CADPS: variants seen among roughly 807,000 people sequenced by gnomAD.
CADPS encodes the protein calcium dependent secretion activator.
A neutral mutation model predicts 167.3 loss-of-function variants in CADPS; 57 were observed. The observed-to-expected ratio is 0.34, with a 90% confidence interval of 0.28 to 0.42. The LOEUF is 0.42. CADPS is among the 20% of genes least tolerant of loss of function. The probability of loss-of-function intolerance (pLI) is 1.00; values close to 1 mark genes in which losing one functional copy is unlikely to be tolerated. For synonymous variants in CADPS, 676 were observed against 635.3 expected, an observed-to-expected ratio of 1.06 and a Z score of -0.96; for missense variants, 1,414 against 1,738.1, an observed-to-expected ratio of 0.81 and a Z score of 3.32.
At chr3:62,643,890 A>G (rs1034823851) in intron 6 of CADPS, among the ~76,000 whole-genome samples, 3 of 152,238 alleles carry the variant, frequency 2.0e-5, no homozygotes, top group Admixed American at 6.5e-5. Context: ...AGACCATTTG[A>G]GGAATAACTG....
intron 6 of CADPS, among the ~76,000 whole-genome samples, chr3:62,624,354 C>G (rs2063660472): frequency 6.6e-6 from 1 of 152,108 alleles, no homozygotes; most frequent in South Asian, 2.1e-4. Flanking sequence ...TTTGCAAACC[C>G]TTCCCAGTTC....
intron 13 of CADPS, among the ~76,000 whole-genome samples, chr3:62,528,284 G>C (rs1189612468): frequency 1.3e-5 from 2 of 152,198 alleles, no homozygotes; most frequent in East Asian, 3.8e-4. Context: ...TATTTGTTAT[G>C]AGTTTCAGGC....
intron 1 of CADPS, among the ~76,000 whole-genome samples, chr3:62,841,697 T>C (rs1382668512): frequency 2.0e-5 from 3 of 152,132 alleles, no homozygotes; most frequent in Non-Finnish European, 2.9e-5. Context: ...TGAGAACCTG[T>C]CTCAAAAATA....
intron 8 of CADPS, among the ~76,000 whole-genome samples, chr3:62,580,386 T>G (rs2083180756): frequency 2.0e-5 from 3 of 151,644 alleles, no homozygotes; most frequent in African/African-American, 7.3e-5. Context: ...AATTGAACAA[T>G]AAGAACACAT....
chr3:62,632,169 T>C (rs1386982124), intron 6 of CADPS, among the ~76,000 whole-genome samples: 3 of 152,176 alleles, frequency 2.0e-5, no homozygotes, highest in Non-Finnish European at 4.4e-5. Context: ...ATCATATGCA[T>C]ATATCTCTGG....
chr3:62,432,775 G>C (rs897278941), intron 28 of CADPS, among the ~76,000 whole-genome samples: 7 of 152,130 alleles, frequency 4.6e-5, no homozygotes, highest in Non-Finnish European at 8.8e-5. Flanking sequence ...CCTTGTTCAA[G>C]GTCACCCAGC....
intron 6 of CADPS, chr3:62,626,056 TAA>T (rs1359170839): frequency 6.6e-6 from 1 of 151,616 alleles, no homozygotes; most frequent in Admixed American, 6.5e-5. Context: ...ACCTTGTCAA[TAA>T]TTGTCATCTC....
chr3:62,505,640 C>T (rs762532404), intron 17 of CADPS, among the ~76,000 whole-genome samples: 1 of 152,194 alleles, frequency 6.6e-6, no homozygotes, highest in Non-Finnish European at 1.5e-5. Context: ...CATGCTCCTG[C>T]TTAAAAACCT....
intron 24 of CADPS, among the ~76,000 whole-genome samples, chr3:62,473,451 G>A (rs1372017314): frequency 3.3e-5 from 5 of 152,216 alleles, no homozygotes; most frequent in Admixed American, 3.3e-4. Context: ...CAACAACATA[G>A]AGTTGCCAGA....
At chr3:62,851,813 C>T (rs1436564349) in intron 1 of CADPS, among the ~76,000 whole-genome samples, 6 of 150,392 alleles carry the variant, frequency 4.0e-5, no homozygotes, top group East Asian at 2.0e-4. Flanking sequence ...TGAATCTGAA[C>T]GTTGGCCTGC....
At chr3:62,797,801 AC>A (rs2093527728) in intron 1 of CADPS, among the ~76,000 whole-genome samples, 4 of 152,052 alleles carry the variant, frequency 2.6e-5, no homozygotes, top group Admixed American at 2.6e-4. Context: ...CTGCACTTGC[AC>A]CCCTGAACTG....
chr3:62,531,525 G>A (rs1452883334), intron 13 of CADPS, among the ~76,000 whole-genome samples: 1 of 151,856 alleles, frequency 6.6e-6, no homozygotes, highest in Admixed American at 6.6e-5. Context: ...AGGAGGAAAA[G>A]CACAGAAAAA....
intron 3 of CADPS, among the ~76,000 whole-genome samples, chr3:62,710,356 G>A (rs1440436856): frequency 6.6e-6 from 1 of 151,788 alleles, no homozygotes; most frequent in Non-Finnish European, 1.5e-5. Flanking sequence ...ACTCTTCAGA[G>A]GTGGGGCCAG....
intron 3 of CADPS, among the ~76,000 whole-genome samples, chr3:62,715,353 C>CTAT (rs2084255448): frequency 7.1e-6 from 1 of 140,374 alleles, no homozygotes; most frequent in Non-Finnish European, 1.6e-5. Flanking sequence ...GTTGGCCAGC[C>CTAT]CTATCTATCT....
intron 11 of CADPS, among the ~76,000 whole-genome samples, chr3:62,547,762 C>A (rs1328612327): frequency 6.6e-6 from 1 of 150,990 alleles, no homozygotes; most frequent in African/African-American, 2.4e-5. Flanking sequence ...TGAATCCTAT[C>A]CACAGACAGA....
At chr3:62,496,073 CTT>C (rs56913608) in intron 18 of CADPS, among the ~76,000 whole-genome samples, 12,281 of 140,460 alleles carry the variant, frequency 0.087, 704 homozygotes, top group Admixed American at 0.19. Flanking sequence ...CTTTTCTTTT[CTT>C]TTTTTTTTTT....
chr3:62,802,290 T>G (rs935173467), intron 1 of CADPS, among the ~76,000 whole-genome samples: 23 of 152,172 alleles, frequency 1.5e-4, no homozygotes, highest in African/African-American at 5.5e-4. Flanking sequence ...TCTTGAAATA[T>G]TGTCCAAAAA....
In CADPS at chr3:62,486,186, C is replaced by A. The variant is rs1440494689; in HGVS notation, c.3027-4317G>T. Reference sequence around the variant, plus strand: ...TGATGGCCAGGTGCAGTGGCTCACGCCTGTGATCCCAGCACTTTGGGAGGC... The same window carrying A: ...TGATGGCCAGGTGCAGTGGCTCACGACTGTGATCCCAGCACTTTGGGAGGC... On this transcript the variant is annotated intron_variant, in intron 21 of 29. Coordinates refer to ENST00000383710, the MANE Select transcript of CADPS (RefSeq NM_003716.4). 2.6e-5 allele frequency among the ~76,000 whole-genome samples: 4 copies of A among 152,272 alleles called. No individual in the cohort carries two copies. In the South Asian group the frequency reaches 6.2e-4, roughly 24 times the overall value.
rs2083119877 is a variant in CADPS, at chr3:62,753,308, T to A, written c.888+133A>T. 1.5e-6 allele frequency: 1 copy of A among 652,738 alleles called. No individual in the cohort carries two copies. The highest frequency in any genetic ancestry group is 2.6e-6 in the Non-Finnish European group (1 of 384,880). 40.4% of individuals were successfully genotyped at this position (652,738 alleles called of 1,614,324 possible). A position where few individuals can be genotyped will look rare whatever the true frequency, so the allele number is the denominator to read the frequency against. ...GAATATACTCCAGCCTAAACTGTATTCAACTTTTTACCAGTAGAGTAATAA... is the reference window on the plus strand; with the variant it reads ...GAATATACTCCAGCCTAAACTGTATACAACTTTTTACCAGTAGAGTAATAA... On this transcript the variant is annotated intron_variant, in intron 3 of 29. Coordinates refer to ENST00000383710, the MANE Select transcript of CADPS (RefSeq NM_003716.4). This position sits in a 1 kb window ranked among gnomAD's most constrained non-coding sequence, Gnocchi z 4.6.
Sources: allele counts gnomAD v4.1 joint callset (sites outside exome capture counted in the v4.1 genomes callset), GRCh38; gene constraint gnomAD v4.1.1; non-coding constraint Gnocchi (gnomAD v3.1); transcripts MANE v1.5; gene names NCBI Gene and HGNC (gene_info 2026-07-23, HGNC 2026-07-21).